The following RSRC1 variants were observed in gnomAD, a reference collection of about 807,000 sequenced individuals.
RSRC1 encodes the protein serine/Arginine-related protein 53.
RSRC1 carries 39 observed loss-of-function variants against 49.1 expected under a neutral mutation model. The ratio of observed to expected loss-of-function variants is 0.79; its 90% CI spans 0.61 to 1.04. The LOEUF (loss-of-function observed/expected upper bound fraction) is 1.04. Among genes scored for constraint, RSRC1 ranks in the 50% least tolerant of loss-of-function variants. The probability of loss-of-function intolerance (pLI) is 0.00; values close to 1 mark genes in which losing one functional copy is unlikely to be tolerated. For synonymous variants in RSRC1, 143 were observed against 130.8 expected, an observed-to-expected ratio of 1.09 and a Z score of -0.63; for missense variants, 388 against 402.4, an observed-to-expected ratio of 0.96 and a Z score of 0.31.
intron 7 of RSRC1, among the ~76,000 whole-genome samples, chr3:158,480,603 C>G (rs1738571033): frequency 1.3e-5 from 2 of 152,022 alleles, no homozygotes; most frequent in South Asian, 4.2e-4. Flanking sequence ...TTGGACATAC[C>G]TGCAGTGTAC....
intron 6 of RSRC1, among the ~76,000 whole-genome samples, chr3:158,389,041 G>GA (rs914035821): frequency 3.8e-4 from 58 of 151,734 alleles, no homozygotes; most frequent in Non-Finnish European, 6.8e-4. Flanking sequence ...AAAGTTTATA[G>GA]AAAAAAAACA....
chr3:158,231,137 C>CTTT lies in RSRC1; in HGVS notation c.494+27915_494+27917dup, dbSNP rs35368661. ...GAGATGAAGAATAACTAGTCGTTAG[C>CTTT]TTTTTTTTTTTTTTTTTTTTTTTTT... On this transcript the variant is annotated intron_variant, in intron 4 of 9. Transcript: ENST00000611884. Among the ~76,000 whole-genome samples, 561 of 67,950 alleles carry CTTT rather than the reference C, an allele frequency of 8.3e-3. 12 individuals carry two copies. The highest frequency in any genetic ancestry group is 0.015 in the South Asian group (21 of 1,358). 44.6% of individuals were successfully genotyped at this position (67,950 alleles called of 152,430 possible).
intron 6 of RSRC1, among the ~76,000 whole-genome samples, chr3:158,358,927 TACACACACAC>T (rs71777898): frequency 7.7e-5 from 10 of 129,054 alleles, no homozygotes; most frequent in African/African-American, 1.3e-4. Context: ...CACACAAACA[TACACACACAC>T]ACACACACAC....
chr3:158,513,224 C>T (rs1435377268), intron 7 of RSRC1, among the ~76,000 whole-genome samples: 2 of 149,176 alleles, frequency 1.3e-5, no homozygotes, highest in South Asian at 2.2e-4. Context: ...CCAGTTTTTG[C>T]CCATTCAGTA....
At chr3:158,279,081 T>C (rs2108071966) in intron 4 of RSRC1, among the ~76,000 whole-genome samples, 1 of 152,360 alleles carries the variant, frequency 6.6e-6, no homozygotes, top group East Asian at 1.9e-4. Context: ...TTTTCTATTC[T>C]TTTCTCATTT....
intron 7 of RSRC1, among the ~76,000 whole-genome samples, chr3:158,466,831 G>A (rs1737911607): frequency 6.6e-6 from 1 of 152,164 alleles, no homozygotes; most frequent in Non-Finnish European, 1.5e-5. Flanking sequence ...GAAGGCCAAG[G>A]AAGGAGGGTT....
intron 3 of RSRC1, among the ~76,000 whole-genome samples, chr3:158,198,112 A>T (rs844142): frequency 0.66 from 99,443 of 151,638 alleles, 32,866 homozygotes; most frequent in East Asian, 0.84. Flanking sequence ...CCCATTATTA[A>T]TGTGTGGGAG....
intron 7 of RSRC1, among the ~76,000 whole-genome samples, chr3:158,513,929 A>G (rs1560071683): frequency 6.6e-6 from 1 of 152,186 alleles, no homozygotes; most frequent in East Asian, 1.9e-4. Flanking sequence ...GTATTCTCTG[A>G]TGGTAGTTTG....
chr3:158,497,501 A>G (rs1031473300), intron 7 of RSRC1, among the ~76,000 whole-genome samples: 2 of 150,156 alleles, frequency 1.3e-5, no homozygotes, highest in Non-Finnish European at 3.0e-5. Flanking sequence ...CAGTGGCTCA[A>G]TCTCGGCTCA....
At chr3:158,263,380 G>T (rs1725000971) in intron 4 of RSRC1, among the ~76,000 whole-genome samples, 1 of 151,942 alleles carries the variant, frequency 6.6e-6, no homozygotes. Context: ...AACTCTACTT[G>T]GTCATGATAT....
Position 158,359,701 on chromosome 3 carries a change from A to G in RSRC1, c.583+4793A>G, listed in dbSNP as rs1305127182. Among the ~76,000 whole-genome samples the G allele has an allele frequency of 2.6e-5, 4 of 152,164 alleles. 1 individual carries two copies. Among genetic ancestry groups the G allele is most frequent in the African/African-American group, 9.7e-5 (4 of 41,436 alleles). ...CAGGTCTGAGCTCCCCCAAAGCACC[A>G]CAGCTCTTCTCTCCTTCTCTTTGCC... is the stretch of plus-strand genomic sequence containing the variant. On this transcript the variant is annotated intron_variant, in intron 6 of 9. Coordinates refer to ENST00000611884, the MANE Select transcript of RSRC1 (RefSeq NM_001271838.2).
Position 158,509,003 on chromosome 3 carries a change from T to A in RSRC1, c.653-28089T>A, listed in dbSNP as rs151279045. Among the ~76,000 whole-genome samples, 1,186 of 152,344 alleles carry A rather than the reference T, an allele frequency of 7.8e-3. 15 individuals carry two copies. Among genetic ancestry groups the A allele is most frequent in the African/African-American group, 0.027 (1,107 of 41,580 alleles). On this transcript the variant is annotated intron_variant, in intron 7 of 9. Coordinates refer to ENST00000611884, the MANE Select transcript of RSRC1 (RefSeq NM_001271838.2). Reference sequence around the variant, plus strand: ...GAGACACGAATGTTTTTAACTTTGATGAAGTTCAGTTTATCTGCTTATTTT... The same window carrying A: ...GAGACACGAATGTTTTTAACTTTGAAGAAGTTCAGTTTATCTGCTTATTTT...
chr3:158,144,129 A>AT lies in RSRC1; in HGVS notation c.320+20146dup, dbSNP rs574429474. Among the ~76,000 whole-genome samples, 5 of 152,198 alleles carry AT rather than the reference A, an allele frequency of 3.3e-5. No individual in the cohort carries two copies. The South Asian group carries it at 8.3e-4, about 25-fold the overall frequency. On this transcript the variant is annotated intron_variant, in intron 3 of 9. Transcript: ENST00000611884. ...ACCTTCATTTCTTTCAGAAATAGAA[A>AT]TTTTTTTTAAATTATTTTATTATAC...
chr3:158,383,924 A>T (rs1319154094), intron 6 of RSRC1, among the ~76,000 whole-genome samples: 1 of 151,424 alleles, frequency 6.6e-6, no homozygotes, highest in East Asian at 1.9e-4. Flanking sequence ...TTTTGGTATT[A>T]AAAAAAGAAA....
intron 4 of RSRC1, among the ~76,000 whole-genome samples, chr3:158,208,060 A>T (rs1434050793): frequency 6.6e-6 from 1 of 152,144 alleles, no homozygotes; most frequent in Non-Finnish European, 1.5e-5. Context: ...GGACTAAAAG[A>T]TGCCTTTCCT....
intron 4 of RSRC1, among the ~76,000 whole-genome samples, chr3:158,277,491 G>A (rs1725883051): frequency 6.6e-6 from 1 of 152,162 alleles, no homozygotes; most frequent in African/African-American, 2.4e-5. Flanking sequence ...CCTCAATTGT[G>A]CAGTTAAGTG....
chr3:158,207,938 C>T (rs1217463886), intron 4 of RSRC1, among the ~76,000 whole-genome samples: 1 of 152,042 alleles, frequency 6.6e-6, no homozygotes, highest in African/African-American at 2.4e-5. Context: ...ATACCTAGAA[C>T]ATTAAAATTG....
intron 4 of RSRC1, among the ~76,000 whole-genome samples, chr3:158,215,928 A>G (rs1721921089): frequency 6.6e-6 from 1 of 151,714 alleles, no homozygotes; most frequent in African/African-American, 2.4e-5. Flanking sequence ...GCAAATGCTT[A>G]CCATTTTTGT....
At chr3:158,345,859 C>CAT (rs1287289412) in intron 5 of RSRC1, among the ~76,000 whole-genome samples, 9 of 147,648 alleles carry the variant, frequency 6.1e-5, no homozygotes, top group African/African-American at 1.2e-4. Context: ...ATATATTTAT[C>CAT]ATATATATAT....
Sources: allele counts gnomAD v4.1 joint callset (sites outside exome capture counted in the v4.1 genomes callset), GRCh38; gene constraint gnomAD v4.1.1; transcripts MANE v1.5; gene names NCBI Gene and HGNC (gene_info 2026-07-23, HGNC 2026-07-21).